The following TSHZ2 variants were observed in gnomAD, a reference collection of about 807,000 sequenced individuals.
TSHZ2 encodes the protein teashirt homolog 2.
A neutral mutation model predicts 74.4 loss-of-function variants in TSHZ2; 21 were observed. That is an observed-to-expected ratio of 0.28 (90% CI 0.20 to 0.41). The LOEUF (loss-of-function observed/expected upper bound fraction) is 0.41, where lower values mean the gene tolerates loss of function less well. Ranked by LOEUF, TSHZ2 falls within the 10% of genes least tolerant of loss-of-function variation. The probability of loss-of-function intolerance (pLI) is 1.00; values close to 1 mark genes in which losing one functional copy is unlikely to be tolerated. For synonymous variants in TSHZ2, 540 were observed against 515.3 expected (o/e 1.05, Z -0.65); for missense variants, 1,244 against 1,293.5 (o/e 0.96, Z 0.59).
chr20:53,159,265 C>T lies in TSHZ2; in HGVS notation c.41-94234C>T, dbSNP rs940581149. ...GCTGAGCCTGTGTTTTTGTCTTTTC[C>T]TCATCCTCTATAGTGGAGTCAGCAA... On this transcript the variant is annotated intron_variant, in intron 1 of 2. Coordinates refer to ENST00000371497, the MANE Select transcript of TSHZ2 (RefSeq NM_173485.6). Among the ~76,000 whole-genome samples the T allele has an allele frequency of 2.0e-5, 3 of 152,200 alleles. No homozygotes were observed. The East Asian group carries it at 5.8e-4, about 29-fold the overall frequency.
chr20:53,167,771 T>C (rs1988096400), intron 1 of TSHZ2, among the ~76,000 whole-genome samples: 1 of 152,176 alleles, frequency 6.6e-6, no homozygotes, highest in South Asian at 2.1e-4. Flanking sequence ...TTGCAGCACC[T>C]GTCAATGCAC....
At position 53,340,177 on chromosome 20, in the gene TSHZ2, C is replaced by CTTTTTTTTTTTTTTTTTT. The variant is rs74177489; in HGVS notation, c.*8+83612_*8+83613insTTTTTTTTTTTTTTTTTT. ...GGATAAAACAAGGTGACTTTTCTTT[C>CTTTTTTTTTTTTTTTTTT]TTTTTTCTTTTTTTTTTTTTTTTGA... On this transcript the variant is annotated intron_variant, in intron 2 of 2. Coordinates refer to ENST00000371497, the MANE Select transcript of TSHZ2 (RefSeq NM_173485.6). Among the ~76,000 whole-genome samples the CTTTTTTTTTTTTTTTTTT allele has an allele frequency of 1.6e-4, 15 of 94,082 alleles. 1 individual carries two copies. The highest frequency in any genetic ancestry group is 3.1e-4 in the African/African-American group (7 of 22,300). The allele number at this position is 94,082 out of a possible 152,430, so 61.7% of individuals were successfully genotyped here. A position where few individuals can be genotyped will look rare whatever the true frequency, so the allele number is the denominator to read the frequency against.
rs768874172 is a variant in TSHZ2 at position 53,256,039 on chromosome 20, G to A, written c.2581G>A (p.Ala861Thr). Residue 861 changes from alanine to threonine, a missense_variant, in exon 2 of 3, where the codon GCC becomes ACC. Coordinates refer to ENST00000371497, the MANE Select transcript of TSHZ2 (RefSeq NM_173485.6). The surrounding 1 kb of genome is among the most constrained non-coding windows in gnomAD (Gnocchi z 4.3). ...QHLLILQAQFASSLFQTSEGK... is the reference protein window; with the variant it reads ...QHLLILQAQFTSSLFQTSEGK... ...TCTTCTGATTCTACAAGCCCAGTTT[G>A]CCTCGAGCCTCTTCCAGACATCAGA... The A allele has an allele frequency of 3.1e-6, 5 of 1,613,280 alleles. No homozygotes were observed. The highest frequency in any genetic ancestry group is 2.2e-5 in the East Asian group (1 of 44,846).
intron 2 of TSHZ2, among the ~76,000 whole-genome samples, chr20:53,310,691 C>G (rs969906272): frequency 2.6e-5 from 4 of 152,028 alleles, no homozygotes; most frequent in African/African-American, 9.7e-5. Flanking sequence ...ACCTTCAACT[C>G]CTAGAGGCCA....
At chr20:53,260,574 G>T (rs1990582539) in intron 2 of TSHZ2, among the ~76,000 whole-genome samples, 1 of 152,166 alleles carries the variant, frequency 6.6e-6, no homozygotes, top group Non-Finnish European at 1.5e-5. Context: ...GCCGGGATGG[G>T]GAACAGTGGT....
intron 1 of TSHZ2, among the ~76,000 whole-genome samples, chr20:53,060,823 C>CA (rs1984798158): frequency 6.6e-6 from 1 of 152,196 alleles, no homozygotes; most frequent in African/African-American, 2.4e-5. Flanking sequence ...TGGATATCAA[C>CA]AGCCAGATTT....
chr20:52,985,415 T>C (rs991292213), intron 1 of TSHZ2, among the ~76,000 whole-genome samples: 1 of 152,178 alleles, frequency 6.6e-6, no homozygotes, highest in Non-Finnish European at 1.5e-5. Flanking sequence ...AAGTGGTCAA[T>C]ACATTTTAGT....
intron 1 of TSHZ2, among the ~76,000 whole-genome samples, chr20:53,179,831 C>T (rs8117842): frequency 0.063 from 9,575 of 152,182 alleles, 744 homozygotes; most frequent in East Asian, 0.39. Context: ...GCTTTTTTAT[C>T]GTCAAGGTAA....
At chr20:53,172,407 T>C (rs1988224334) in intron 1 of TSHZ2, among the ~76,000 whole-genome samples, 2 of 152,350 alleles carry the variant, frequency 1.3e-5, no homozygotes, top group Admixed American at 1.3e-4. Context: ...TTGGGTTTTA[T>C]TTTTATTTTT....
chr20:53,101,566 C>CT (rs1272506241), intron 1 of TSHZ2, among the ~76,000 whole-genome samples: 1 of 152,208 alleles, frequency 6.6e-6, no homozygotes, highest in Non-Finnish European at 1.5e-5. Flanking sequence ...GATTTCAGAA[C>CT]TTTCCGACAG....
At chr20:53,138,301 A>G (rs867884749) in intron 1 of TSHZ2, among the ~76,000 whole-genome samples, 18 of 151,824 alleles carry the variant, frequency 1.2e-4, no homozygotes, top group East Asian at 3.9e-4. Context: ...GGAGAATGGC[A>G]TGAACCCAGG....
chr20:53,043,137 G>A (rs187524254), intron 1 of TSHZ2, among the ~76,000 whole-genome samples: 37 of 152,288 alleles, frequency 2.4e-4, no homozygotes, highest in African/African-American at 3.4e-4. Flanking sequence ...GCATGGAGAC[G>A]GGATAAAGGT....
intron 1 of TSHZ2, among the ~76,000 whole-genome samples, chr20:53,225,679 C>A (rs570657999): frequency 6.6e-6 from 1 of 152,304 alleles, no homozygotes; most frequent in Admixed American, 6.5e-5. Flanking sequence ...CTCAGAAAAA[C>A]CAAGCAGTTT....
chr20:53,145,959 A>G (rs1987530177), intron 1 of TSHZ2, among the ~76,000 whole-genome samples: 1 of 152,192 alleles, frequency 6.6e-6, no homozygotes, highest in Non-Finnish European at 1.5e-5. Context: ...GAGTTGGGGA[A>G]AATCATGTTG....
At chr20:53,430,229 C>T (rs1406309379) in intron 2 of TSHZ2, among the ~76,000 whole-genome samples, 1 of 151,966 alleles carries the variant, frequency 6.6e-6, no homozygotes, top group Non-Finnish European at 1.5e-5. Context: ...CTCAGCCTCC[C>T]GAGAAGCTGG....
intron 2 of TSHZ2, among the ~76,000 whole-genome samples, chr20:53,301,080 C>A (rs1395322746): frequency 6.6e-6 from 1 of 152,080 alleles, no homozygotes; most frequent in Non-Finnish European, 1.5e-5. Context: ...CTCCCTCCCA[C>A]CTCAGCCTCC....
chr20:53,083,446 C>T (rs192869862), intron 1 of TSHZ2, among the ~76,000 whole-genome samples: 2 of 152,290 alleles, frequency 1.3e-5, no homozygotes, highest in African/African-American at 4.8e-5. Flanking sequence ...ACCGTATAGC[C>T]AGGGTCGGTG....
intron 2 of TSHZ2, among the ~76,000 whole-genome samples, chr20:53,364,819 A>G (rs1004866440): frequency 6.6e-6 from 1 of 151,956 alleles, no homozygotes; most frequent in Non-Finnish European, 1.5e-5. Flanking sequence ...GAGTTTTATG[A>G]CCCTTTTTCA....
In TSHZ2 at chr20:53,488,927, T is replaced by C; in HGVS notation, c.*1792T>C. ...CAAATTGCTTTTTTTATGGCATGCA[T>C]AACCTAGATGGGAAAAAATATGGCG... On this transcript the variant is annotated 3_prime_UTR_variant, in exon 3 of 3. Coordinates refer to ENST00000371497, the MANE Select transcript of TSHZ2 (RefSeq NM_173485.6). The C allele has an allele frequency of 2.2e-6, 1 of 452,628 alleles. No individual in the cohort carries two copies. Among genetic ancestry groups the C allele is most frequent in the Non-Finnish European group, 4.5e-6 (1 of 224,394 alleles). The allele number at this position is 452,628 out of a possible 1,614,324, so 28.0% of individuals were successfully genotyped here.
Sources: allele counts gnomAD v4.1 joint callset (sites outside exome capture counted in the v4.1 genomes callset), GRCh38; gene constraint gnomAD v4.1.1; non-coding constraint Gnocchi (gnomAD v3.1); transcripts MANE v1.5; gene names NCBI Gene and HGNC (gene_info 2026-07-23, HGNC 2026-07-21).